Variants in RPL35A observed in about 807,000 individuals in gnomAD.
RPL35A encodes large ribosomal subunit protein eL33.
In RPL35A, 1 loss-of-function variant was observed where a neutral mutation model predicts 16.7. The observed-to-expected ratio is 0.06, with a 90% CI of 0.02 to 0.28. The LOEUF is 0.28. Among genes scored for constraint, RPL35A ranks in the 10% least tolerant of loss-of-function variants. RPL35A has a pLI of 1.00. For missense variants in RPL35A, 91 were observed against 138.7 expected (o/e 0.66, Z 1.73); for synonymous variants, 58 against 47.0 (o/e 1.23, Z -0.96).
chr3:197,952,314 C>T (rs1355408026), intron 3 of RPL35A, among the ~76,000 whole-genome samples: 6 of 151,514 alleles, frequency 4.0e-5, no homozygotes, highest in South Asian at 2.1e-4. Flanking sequence ...GGATTACAGG[C>T]GGCCGCCACC....
chr3:197,950,920 TTTTG>T lies in RPL35A; in HGVS notation c.-32-8_-32-5del, dbSNP rs773809478. On this transcript the variant is annotated splice_polypyrimidine_tract_variant and intron_variant, in intron 1 of 4. Coordinates refer to ENST00000647248, the MANE Select transcript of RPL35A (RefSeq NM_000996.4). ...GTGTGGCTTGGTTTTAAACTAATCT[TTTTG>T]TTTGTTTTAAGGCCTGCTGGGAACG... The T allele has an allele frequency of 3.5e-5, 57 of 1,613,588 alleles. No individual in the cohort carries two copies. Among genetic ancestry groups the T allele is most frequent in the Non-Finnish European group, 4.2e-5 (49 of 1,179,642 alleles).
intron 4 of RPL35A, chr3:197,954,448 C>T (rs1720373635): frequency 2.3e-6 from 1 of 428,048 alleles, no homozygotes; most frequent in Admixed American, 3.6e-5. Flanking sequence ...ATCCTTCCAC[C>T]TCAGCCCCCC....
At position 197,950,201 on chromosome 3, in the gene RPL35A, G is replaced by T; in HGVS notation, c.-53G>T. ...GGCGGGGCCTCGTCCTTCTCTTACCGCCATCTTGGCTCCTGTGGAGGTGAG... is the reference window on the plus strand; with the variant it reads ...GGCGGGGCCTCGTCCTTCTCTTACCTCCATCTTGGCTCCTGTGGAGGTGAG... On this transcript the variant is annotated 5_prime_UTR_variant, in exon 1 of 5. Transcript: ENST00000647248. 8.1e-7 allele frequency: 1 copy of T among 1,231,476 alleles called. No individual in the cohort carries two copies. The highest frequency in any genetic ancestry group is 1.0e-6 in the Non-Finnish European group (1 of 987,878). The allele number at this position is 1,231,476 out of a possible 1,614,324, so 76.3% of individuals were successfully genotyped here. A position where few individuals can be genotyped will look rare whatever the true frequency, so the allele number is the denominator to read the frequency against.
In RPL35A at chr3:197,956,012, A is replaced by G. The variant is rs545795129; in HGVS notation, c.*239A>G. ...TTGACAGAGTCTTGCTCTGTTGCCC[A>G]TGCTGGAGTGTAGTGGTGCTCGCTG... is the stretch of plus-strand genomic sequence containing the variant. On this transcript the variant is annotated 3_prime_UTR_variant, in exon 5 of 5. Coordinates refer to ENST00000647248, the MANE Select transcript of RPL35A (RefSeq NM_000996.4). 11 of 513,988 alleles carry G rather than the reference A, an allele frequency of 2.1e-5. No individual in the cohort carries two copies. Among genetic ancestry groups the G allele is most frequent in the African/African-American group, 1.7e-4 (9 of 51,816 alleles). 31.8% of individuals were successfully genotyped at this position (513,988 alleles called of 1,614,324 possible). A position where few individuals can be genotyped will look rare whatever the true frequency, so the allele number is the denominator to read the frequency against.
rs199693579 is a variant in RPL35A at position 197,955,794 on chromosome 3, T to A, written c.*21T>A. On this transcript the variant is annotated 3_prime_UTR_variant, in exon 5 of 5. Transcript: ENST00000647248. ...TTTAAACTAACGAAAAATCAATAAA[T>A]AAATGTGGATTTGTGCTCTTGTATT... The A allele has an allele frequency of 3.3e-5, 53 of 1,585,356 alleles. No individual in the cohort carries two copies. The highest frequency in any genetic ancestry group is 4.3e-5 in the Non-Finnish European group (50 of 1,155,878).
In RPL35A at chr3:197,956,232, T is replaced by G. The variant is rs77209520; in HGVS notation, c.*459T>G. 12,233 of 190,894 alleles carry G rather than the reference T, an allele frequency of 0.064. 511 individuals carry two copies. The highest frequency in any genetic ancestry group is 0.11 in the African/African-American group (4,864 of 42,922). The allele number at this position is 190,894 out of a possible 1,614,324, so 11.8% of individuals were successfully genotyped here. ...CCTCTCCTGAAGTGCTGGGATACAG[T>G]TATGAGCCACCACACCTGCCAAGTG... On this transcript the variant is annotated 3_prime_UTR_variant, in exon 5 of 5. Coordinates refer to ENST00000647248, the MANE Select transcript of RPL35A (RefSeq NM_000996.4).
At chr3:197,953,965 T>G in intron 3 of RPL35A, 38 bp from the exon 4 acceptor site, 1 of 1,610,644 alleles carries the variant, frequency 6.2e-7, no homozygotes, top group Non-Finnish European at 8.5e-7. Flanking sequence ...TCCAACTATA[T>G]CAGCTTGTAT....
At chr3:197,951,524 T>C in intron 3 of RPL35A, 1 of 550,798 alleles carries the variant, frequency 1.8e-6, no homozygotes, top group South Asian at 2.0e-5. Flanking sequence ...GGCTAGTTTT[T>C]GTATTATTAG....
intron 4 of RPL35A, 106 bp from the exon 5 acceptor site, chr3:197,955,644 A>T: frequency 9.9e-7 from 1 of 1,009,196 alleles, no homozygotes; most frequent in South Asian, 1.3e-5. Context: ...TTACCACTAG[A>T]ACATGTAATT....
chr3:197,953,875 A>T, intron 3 of RPL35A, 128 bp from the exon 4 acceptor site: 1 of 819,564 alleles, frequency 1.2e-6, no homozygotes, highest in Non-Finnish European at 2.1e-6. Context: ...ATGGTGTTCT[A>T]GGCATTTAAA....
intron 1 of RPL35A, 59 bp downstream of exon 1, chr3:197,950,280 T>C (rs1324655676): frequency 8.1e-7 from 1 of 1,230,320 alleles, no homozygotes; most frequent in Non-Finnish European, 1.0e-6. Context: ...GGTTTGTTCC[T>C]GTGCCTTGGC....
Position 197,955,819 on chromosome 3 carries a change from T to A in RPL35A, c.*46T>A, listed in dbSNP as rs1293965407. ...TAAATGTGGATTTGTGCTCTTGTAT[T>A]TTTAAGTGGATTAAAAAACTTACTA... is the stretch of plus-strand genomic sequence containing the variant. On this transcript the variant is annotated 3_prime_UTR_variant, in exon 5 of 5. Transcript: ENST00000647248. The A allele has an allele frequency of 4.7e-6, 7 of 1,475,162 alleles. 1 individual carries two copies. In the Middle Eastern group the frequency reaches 9.6e-4, roughly 202 times the overall value. 91.4% of individuals were successfully genotyped at this position (1,475,162 alleles called of 1,614,324 possible). A position where few individuals can be genotyped will look rare whatever the true frequency, so the allele number is the denominator to read the frequency against.
In RPL35A at chr3:197,956,564, T is replaced by C. The variant is rs1720536106; in HGVS notation, c.*791T>C. On this transcript the variant is annotated 3_prime_UTR_variant, in exon 5 of 5. Coordinates refer to ENST00000647248, the MANE Select transcript of RPL35A (RefSeq NM_000996.4). ...GCACTTTAAGCAGGCCTCCTAAATATTTTAGATTTCTTGGGGATATGCTAA... is the reference window on the plus strand; with the variant it reads ...GCACTTTAAGCAGGCCTCCTAAATACTTTAGATTTCTTGGGGATATGCTAA... 6.6e-6 allele frequency: 1 copy of C among 152,020 alleles called. No homozygotes were observed. Among genetic ancestry groups the C allele is most frequent in the Non-Finnish European group, 1.5e-5 (1 of 68,012 alleles). 9.4% of individuals were successfully genotyped at this position (152,020 alleles called of 1,614,324 possible). A position where few individuals can be genotyped will look rare whatever the true frequency, so the allele number is the denominator to read the frequency against.
chr3:197,950,397 C>T (rs1188113115), intron 1 of RPL35A, 176 bp downstream of exon 1: 13 of 1,125,692 alleles, frequency 1.2e-5, no homozygotes, highest in African/African-American at 1.6e-5. Context: ...GTTTGGTCCC[C>T]TGACACCCGG....
chr3:197,955,089 A>G (rs1464823365), intron 4 of RPL35A, among the ~76,000 whole-genome samples: 1 of 151,932 alleles, frequency 6.6e-6, no homozygotes, highest in Non-Finnish European at 1.5e-5. Flanking sequence ...TTTAGGGTCC[A>G]TTTTGGAATG....
At position 197,954,021 on chromosome 3, in the gene RPL35A, C is replaced by T. The variant is rs370212853; in HGVS notation, c.183C>T (p.Gly61=). The T allele has an allele frequency of 3.2e-5, 52 of 1,613,040 alleles. No homozygotes were observed. Among genetic ancestry groups the T allele is most frequent in the South Asian group, 5.5e-5 (5 of 91,052 alleles). ...YKAKNNTVTP[G]GKPNKTRVIW... ...AAATCAGCAACACAGTCACTCCTGG[C>T]GGCAAACCAAACAAAACCAGAGTCA... The change falls in exon 4 of 5, where the codon GGC becomes GGT. Residue 61 remains glycine (G), a synonymous_variant. Transcript: ENST00000647248.
Position 197,954,061 on chromosome 3 carries a change from A to T in RPL35A, c.223A>T (p.Thr75Ser), listed in dbSNP as rs768555387. 10 of 1,614,056 alleles carry T rather than the reference A, an allele frequency of 6.2e-6. No homozygotes were observed. The highest frequency in any genetic ancestry group is 8.5e-6 in the Non-Finnish European group (10 of 1,180,016). ...AACCAGAGTCATCTGGGGAAAAGTAACTCGGGCCCATGGAAACAGTGGCAT... is the reference window on the plus strand; with the variant it reads ...AACCAGAGTCATCTGGGGAAAAGTATCTCGGGCCCATGGAAACAGTGGCAT... ...NKTRVIWGKV[T>S]RAHGNSGMVR... is the part of the protein sequence containing the mutation. The change falls in exon 4 of 5, where the codon ACT (threonine) becomes TCT (serine). Residue 75 changes from threonine to serine, a missense_variant. Physicochemically the swap from Thr to Ser is moderately conservative, Grantham distance 58. Transcript: ENST00000647248.
At chr3:197,955,273 C>CTT (rs34024853) in intron 4 of RPL35A, among the ~76,000 whole-genome samples, 7 of 143,880 alleles carry the variant, frequency 4.9e-5, no homozygotes, top group African/African-American at 1.3e-4. Context: ...TTTTCTTTTT[C>CTT]TTTTTTTTTT....
At position 197,951,533 on chromosome 3, in the gene RPL35A, A is replaced by T. The variant is rs1393984767; in HGVS notation, c.164+222A>T. On this transcript the variant is annotated intron_variant, in intron 3 of 4. Coordinates refer to ENST00000647248, the MANE Select transcript of RPL35A (RefSeq NM_000996.4). The stretch of plus-strand genomic sequence containing the variant: ...ACGCCCGGCTAGTTTTTGTATTATT[A>T]GTAGAGACAGGGTATTGCCATGTTG... The T allele has an allele frequency of 7.6e-6, 4 of 526,660 alleles. 1 individual carries two copies. The highest frequency in any genetic ancestry group is 1.4e-5 in the Non-Finnish European group (4 of 294,072). The allele number at this position is 526,660 out of a possible 1,614,324, so 32.6% of individuals were successfully genotyped here. A position where few individuals can be genotyped will look rare whatever the true frequency, so the allele number is the denominator to read the frequency against.
Sources: allele counts gnomAD v4.1 joint callset (sites outside exome capture counted in the v4.1 genomes callset), GRCh38; gene constraint gnomAD v4.1.1; transcripts MANE v1.5; gene names NCBI Gene and HGNC (gene_info 2026-07-23, HGNC 2026-07-21).